The following PIBF1 variants were observed in gnomAD, a reference collection of about 807,000 sequenced individuals.
PIBF1 encodes the protein progesterone immunomodulatory binding factor 1.
Under a neutral mutation model 112.5 loss-of-function variants are expected in PIBF1, and 90 were observed. The observed-to-expected ratio is 0.80, with a 90% CI of 0.67 to 0.95. The LOEUF (loss-of-function observed/expected upper bound fraction) is 0.95, where lower values mean the gene tolerates loss of function less well. PIBF1 is among the 40% of genes least tolerant of loss of function. PIBF1 has a pLI of 0.00. For missense variants in PIBF1, 915 were observed against 852.3 expected (o/e 1.07, Z -0.92); for synonymous variants, 301 against 288.6 (o/e 1.04, Z -0.44).
intron 17 of PIBF1, among the ~76,000 whole-genome samples, chr13:73,003,007 A>AAAAT (rs2043921558): frequency 6.6e-6 from 1 of 150,424 alleles, no homozygotes; most frequent in Non-Finnish European, 1.5e-5. Context: ...AAAAAAAAAA[A>AAAAT]GCCTTAGGCT....
chr13:72,979,311 A>G (rs1409523573), intron 16 of PIBF1, among the ~76,000 whole-genome samples: 2 of 152,206 alleles, frequency 1.3e-5, no homozygotes, highest in African/African-American at 2.4e-5. Flanking sequence ...GCCTTAACGA[A>G]ACAAGATTTA....
intron 5 of PIBF1, among the ~76,000 whole-genome samples, chr13:72,802,654 G>C (rs541519450): frequency 6.6e-6 from 1 of 152,318 alleles, no homozygotes; most frequent in African/African-American, 2.4e-5. Flanking sequence ...GAGTGCAAAA[G>C]AGTGTGGATC....
At chr13:72,888,857 A>G (rs2039955588) in intron 10 of PIBF1, among the ~76,000 whole-genome samples, 1 of 152,028 alleles carries the variant, frequency 6.6e-6, no homozygotes, top group African/African-American at 2.4e-5. Context: ...TACACAGAAA[A>G]CTAGTCACAG....
intron 9 of PIBF1, among the ~76,000 whole-genome samples, chr13:72,850,210 G>A (rs529235317): frequency 6.6e-6 from 1 of 152,278 alleles, no homozygotes; most frequent in South Asian, 2.1e-4. Context: ...AGGACCTCTT[G>A]GTAGAAGCCT....
intron 14 of PIBF1, among the ~76,000 whole-genome samples, chr13:72,959,593 A>AAGGAAAAAAACTCCACATGT (rs1401303287): frequency 8.5e-5 from 13 of 152,210 alleles, no homozygotes. Context: ...TAAACTCCCC[A>AAGGAAAAAAACTCCACATGT]AGGAAAAAAA....
chr13:72,787,539 G>C (rs373936738), intron 2 of PIBF1, among the ~76,000 whole-genome samples: 38 of 152,296 alleles, frequency 2.5e-4, no homozygotes, highest in African/African-American at 8.7e-4. Context: ...GTCCCCAAAA[G>C]CCTGATGGAT....
At chr13:72,786,279 G>A (rs2034592280) in intron 2 of PIBF1, among the ~76,000 whole-genome samples, 1 of 152,144 alleles carries the variant, frequency 6.6e-6, no homozygotes, top group South Asian at 2.1e-4. Context: ...GATTGCAATA[G>A]TCGTGTTCCT....
chr13:72,824,180 A>ATTT (rs10630564), intron 6 of PIBF1, among the ~76,000 whole-genome samples: 172 of 141,706 alleles, frequency 1.2e-3, no homozygotes, highest in African/African-American at 4.2e-3. Flanking sequence ...TGCCCAGCTA[A>ATTT]TTTTTTTTTT....
intron 15 of PIBF1, among the ~76,000 whole-genome samples, chr13:72,967,636 C>CA (rs2042776959): frequency 6.6e-6 from 1 of 151,800 alleles, no homozygotes; most frequent in African/African-American, 2.4e-5. Context: ...AGGAAGAGAA[C>CA]AAAAAAGTAG....
Position 72,931,307 on chromosome 13 carries a change from T to C in PIBF1, c.1833+40T>C, listed in dbSNP as rs765301009. 6.8e-6 allele frequency: 8 copies of C among 1,179,726 alleles called. 1 individual carries two copies. The highest frequency in any genetic ancestry group is 1.5e-5 in the African/African-American group (1 of 65,476). The allele number at this position is 1,179,726 out of a possible 1,614,324, so 73.1% of individuals were successfully genotyped here. ...GAAACCCATATGAAGAATCACAGTA[T>C]TCATTTTAATTGTTTGTAACTCTTT... On this transcript the variant is annotated intron_variant, in intron 14 of 17. Transcript: ENST00000326291.
In PIBF1 at chr13:72,783,550, A is replaced by G. The variant is rs1046650499; in HGVS notation, c.81A>G (p.Thr27=). 12 of 1,613,450 alleles carry G rather than the reference A, an allele frequency of 7.4e-6. No individual in the cohort carries two copies. Among genetic ancestry groups the G allele is most frequent in the South Asian group, 1.1e-5 (1 of 91,070 alleles). ...SLESEDISLE[T]TVPTDDISSS... ...AATCTGAAGATATTAGTTTAGAAAC[A>G]ACAGTTCCTACGGATGATATTTCCT... Residue 27 remains threonine (T), a synonymous_variant, in exon 2 of 18, where the codon ACA becomes ACG. Transcript: ENST00000326291.
chr13:72,796,694 A>G (rs142494894), intron 4 of PIBF1, among the ~76,000 whole-genome samples: 97 of 151,362 alleles, frequency 6.4e-4, no homozygotes, highest in African/African-American at 2.3e-3. Flanking sequence ...TTTTCTGTCC[A>G]AAGTATACTG....
intron 14 of PIBF1, among the ~76,000 whole-genome samples, chr13:72,961,720 C>A (rs1032974067): frequency 3.3e-5 from 5 of 152,006 alleles, no homozygotes; most frequent in African/African-American, 1.2e-4. Context: ...CTATAGAGTA[C>A]CTTTTTCAAG....
intron 2 of PIBF1, among the ~76,000 whole-genome samples, chr13:72,785,657 A>G (rs865893991): frequency 2.0e-5 from 3 of 152,086 alleles, no homozygotes; most frequent in Non-Finnish European, 2.9e-5. Flanking sequence ...TCCCATCCCT[A>G]TTCCCTTACT....
intron 14 of PIBF1, among the ~76,000 whole-genome samples, chr13:72,959,168 G>A (rs1172520440): frequency 1.3e-5 from 2 of 149,284 alleles, no homozygotes; most frequent in African/African-American, 5.2e-5. Context: ...GCTAATTTTT[G>A]TATTTTTAGT....
intron 2 of PIBF1, among the ~76,000 whole-genome samples, chr13:72,789,328 G>A (rs2034772514): frequency 6.6e-6 from 1 of 151,988 alleles, no homozygotes; most frequent in Non-Finnish European, 1.5e-5. Flanking sequence ...GAGACTACAG[G>A]CGTGTACCAC....
intron 10 of PIBF1, among the ~76,000 whole-genome samples, chr13:72,881,964 T>G (rs1336970113): frequency 2.0e-5 from 3 of 151,844 alleles, no homozygotes; most frequent in South Asian, 4.1e-4. Context: ...GGAACCACAA[T>G]AGACCCAGAA....
intron 10 of PIBF1, among the ~76,000 whole-genome samples, chr13:72,889,113 T>C (rs932900848): frequency 5.3e-5 from 8 of 152,168 alleles, no homozygotes; most frequent in African/African-American, 1.9e-4. Context: ...TCACAGTGGA[T>C]TTGATAAATT....
intron 14 of PIBF1, among the ~76,000 whole-genome samples, chr13:72,961,005 C>T (rs184630798): frequency 1.3e-5 from 2 of 151,110 alleles, no homozygotes. Flanking sequence ...AAAAAAGTAG[C>T]CTTCTTTTCT....
Sources: gnomAD v4.1 joint callset for allele counts (sites outside exome capture counted in the v4.1 genomes callset) on GRCh38, gnomAD v4.1.1 for gene constraint, MANE v1.5 for transcripts, NCBI Gene and HGNC (gene_info 2026-07-23, HGNC 2026-07-21) for gene names.